STAG2: variants seen among roughly 807,000 people sequenced by gnomAD.
The protein encoded by STAG2 is cohesin subunit SA-2.
In STAG2, 14 loss-of-function variants were observed where a neutral mutation model predicts 108.1. The observed-to-expected ratio is 0.13, with a 90% confidence interval of 0.09 to 0.20. The LOEUF is 0.20. STAG2 is among the 10% of genes least tolerant of loss of function. The probability of loss-of-function intolerance (pLI) is 1.00; values close to 1 mark genes in which losing one functional copy is unlikely to be tolerated. For synonymous variants in STAG2, 307 were observed against 302.7 expected (o/e 1.01, Z -0.15); for missense variants, 440 against 940.9 (o/e 0.47, Z 6.96).
Position 124,066,343 on chromosome X carries a change from A to T in STAG2, c.2185-13A>T, listed in dbSNP as rs370669855. 8.3e-7 allele frequency: 1 copy of T among 1,200,497 alleles called. No individual in the cohort carries two copies. Among genetic ancestry groups the T allele is most frequent in the Non-Finnish European group, 1.1e-6 (1 of 888,201 alleles). On this transcript the variant is annotated splice_polypyrimidine_tract_variant and intron_variant, in intron 22 of 34. Transcript: ENST00000371145. ...TTTTAAATTTTAACTGTATCCTTTG[A>T]TTCTTTTTACAGATTGTTATTCACG...
intron 1 of STAG2, among the ~76,000 whole-genome samples, chrX:123,967,483 C>T (rs1194130982): frequency 9.1e-6 from 1 of 110,400 alleles, no homozygotes; most frequent in South Asian, 3.8e-4. Flanking sequence ...TCAGGCTGGT[C>T]TCGAACTCCC....
In STAG2 at chrX:123,989,801, G is replaced by A. The variant is rs191923063; in HGVS notation, c.-163+27945G>A. Among the ~76,000 whole-genome samples the A allele has an allele frequency of 1.2e-3, 128 of 109,295 alleles. 1 individual carries two copies. Among genetic ancestry groups the A allele is most frequent in the African/African-American group, 4.1e-3 (124 of 30,063 alleles). The allele number at this position is 109,295 out of a possible 115,157, so 94.9% of individuals were successfully genotyped here. A position where few individuals can be genotyped will look rare whatever the true frequency, so the allele number is the denominator to read the frequency against. ...GTATTTTTAGTGGAAACAGGGTTTC[G>A]CCATCTTGGCCAGGCTGGTCTTGAA... is the stretch of plus-strand genomic sequence containing the variant. On this transcript the variant is annotated intron_variant, in intron 1 of 34. Coordinates refer to ENST00000371145, the MANE Select transcript of STAG2 (RefSeq NM_001042750.2).
At chrX:124,027,808 C>A (rs764794533) in intron 4 of STAG2, among the ~76,000 whole-genome samples, 1 of 111,683 alleles carries the variant, frequency 9.0e-6, no homozygotes, top group African/African-American at 3.3e-5. Flanking sequence ...TGCCCTTAAC[C>A]CTCTATACTA....
chrX:124,091,066 T>A, intron 32 of STAG2, 102 bp downstream of exon 32: 1 of 598,020 alleles, frequency 1.7e-6, no homozygotes, highest in South Asian at 3.7e-5. Flanking sequence ...CTCTCTAGAG[T>A]AACCTAAGCT....
At chrX:124,043,903 G>A (rs1389926747) in intron 7 of STAG2, among the ~76,000 whole-genome samples, 1 of 111,188 alleles carries the variant, frequency 9.0e-6, no homozygotes, top group African/African-American at 3.3e-5. Context: ...AAGGGATTTG[G>A]GTTTGTTTGG....
chrX:124,048,153 G>A (rs1177532614), intron 9 of STAG2, among the ~76,000 whole-genome samples: 1 of 111,448 alleles, frequency 9.0e-6, no homozygotes, highest in Non-Finnish European at 1.9e-5. Flanking sequence ...GAATTCAGTA[G>A]TTATCATGGT....
chrX:124,048,013 T>C (rs749437984), intron 9 of STAG2, among the ~76,000 whole-genome samples: 28 of 112,352 alleles, frequency 2.5e-4, no homozygotes, highest in Non-Finnish European at 3.6e-4. Context: ...TAAAATCTTT[T>C]GATGCTGCGG....
At chrX:124,067,333 A>G (rs1006036285) in intron 23 of STAG2, among the ~76,000 whole-genome samples, 33 of 87,781 alleles carry the variant, frequency 3.8e-4, no homozygotes, top group Non-Finnish European at 4.9e-4. Flanking sequence ...TAGTGGTACA[A>G]TCTCGGCTCA....
At position 124,076,494 on chromosome X, in the gene STAG2, A is replaced by G. The variant is rs200881211; in HGVS notation, c.2673+23A>G. 3,387 of 1,123,202 alleles carry G rather than the reference A, an allele frequency of 3.0e-3. 3 individuals are homozygous for G. Among genetic ancestry groups the G allele is most frequent in the Non-Finnish European group, 3.2e-3 (2,767 of 852,614 alleles). 92.6% of individuals were successfully genotyped at this position (1,123,202 alleles called of 1,213,427 possible). On this transcript the variant is annotated intron_variant, in intron 26 of 34. Coordinates refer to ENST00000371145, the MANE Select transcript of STAG2 (RefSeq NM_001042750.2). Reference sequence around the variant, plus strand: ...AAGGTAAAGTTGAAAAATGGATAGCAAGATAGTTTTAAAATGCAACGCTAG... The same window carrying G: ...AAGGTAAAGTTGAAAAATGGATAGCGAGATAGTTTTAAAATGCAACGCTAG...
chrX:124,058,701 A>G (rs1437032982), intron 15 of STAG2, among the ~76,000 whole-genome samples: 2 of 111,907 alleles, frequency 1.8e-5, no homozygotes, highest in Non-Finnish European at 3.8e-5. Flanking sequence ...AAGATTTCAG[A>G]TGTTGGTACC....
intron 1 of STAG2, among the ~76,000 whole-genome samples, chrX:123,977,832 GTTTTTT>G (rs35569156): frequency 7.8e-5 from 3 of 38,558 alleles, no homozygotes; most frequent in African/African-American, 3.5e-4. Context: ...GTTCCCAAGT[GTTTTTT>G]TTTTTTTTTT....
intron 1 of STAG2, among the ~76,000 whole-genome samples, chrX:123,997,698 C>T (rs1325301622): frequency 8.9e-6 from 1 of 112,538 alleles, no homozygotes; most frequent in African/African-American, 3.2e-5. Flanking sequence ...AGTGCATTGG[C>T]ACGATCTCGG....
chrX:123,985,564 T>C (rs936536483), intron 1 of STAG2, among the ~76,000 whole-genome samples: 2 of 110,281 alleles, frequency 1.8e-5, no homozygotes, highest in Middle Eastern at 4.7e-3. Flanking sequence ...GGAGGTCTTA[T>C]GGTATTTTTT....
chrX:123,992,556 G>A (rs1363191757), intron 1 of STAG2, among the ~76,000 whole-genome samples: 3 of 109,502 alleles, frequency 2.7e-5, no homozygotes, highest in Non-Finnish European at 5.7e-5. Context: ...TGTTTTTCTT[G>A]GAGACAGGGT....
intron 33 of STAG2, among the ~76,000 whole-genome samples, chrX:124,094,935 G>GTT (rs111768143): frequency 4.7e-5 from 5 of 106,852 alleles, no homozygotes; most frequent in South Asian, 8.2e-4. Flanking sequence ...TTTTCCATGA[G>GTT]TTTTTTTTTT....
intron 3 of STAG2, 122 bp from the exon 4 acceptor site, chrX:124,025,718 T>A (rs779713584): frequency 2.4e-6 from 1 of 420,605 alleles, no homozygotes; most frequent in Admixed American, 4.3e-5. Flanking sequence ...TAATTACTTA[T>A]AATGCTAATA....
rs180930202 is a variant in STAG2 at position 124,009,923 on chromosome X, A to G, written c.-162-11444A>G. Among the ~76,000 whole-genome samples, 229 of 111,524 alleles carry G rather than the reference A, an allele frequency of 2.1e-3. 2 individuals are homozygous for G. Among genetic ancestry groups the G allele is most frequent in the African/African-American group, 6.9e-3 (213 of 30,716 alleles). On this transcript the variant is annotated intron_variant, in intron 1 of 34. Coordinates refer to ENST00000371145, the MANE Select transcript of STAG2 (RefSeq NM_001042750.2). ...CATTTTACCTTATTAAACGGGAGACAAAAAGTCTCAAAATATTCTGAGTGT... is the reference window on the plus strand; with the variant it reads ...CATTTTACCTTATTAAACGGGAGACGAAAAGTCTCAAAATATTCTGAGTGT...
chrX:124,035,520 T>C (rs974506315), intron 5 of STAG2, among the ~76,000 whole-genome samples: 2 of 112,009 alleles, frequency 1.8e-5, no homozygotes, highest in Non-Finnish European at 3.8e-5. Context: ...AATCATTTTA[T>C]TATGCCTAAT....
chrX:124,046,299 G>T (rs1396515945), intron 8 of STAG2, among the ~76,000 whole-genome samples: 1 of 112,164 alleles, frequency 8.9e-6, no homozygotes, highest in Non-Finnish European at 1.9e-5. Context: ...AAGAGAAAAT[G>T]CAGTTTCCCG....
Sources: gnomAD v4.1 joint callset for allele counts (sites outside exome capture counted in the v4.1 genomes callset) on GRCh38, gnomAD v4.1.1 for gene constraint, MANE v1.5 for transcripts, NCBI Gene and HGNC (gene_info 2026-07-23, HGNC 2026-07-21) for gene names.